Variants in RIPOR2 observed in about 807,000 individuals in gnomAD.
RIPOR2 encodes the protein RHO family interacting cell polarization regulator 2.
A neutral mutation model predicts 114.5 loss-of-function variants in RIPOR2; 39 were observed. The ratio of observed to expected loss-of-function variants is 0.34; its 90% confidence interval spans 0.26 to 0.44. The LOEUF (loss-of-function observed/expected upper bound fraction) is 0.44, where lower values mean the gene tolerates loss of function less well. RIPOR2 is among the 20% of genes least tolerant of loss of function. The pLI is 1.00. For synonymous variants in RIPOR2, 445 were observed against 484.4 expected (o/e 0.92, Z 1.07); for missense variants, 1,007 against 1,255.1 (o/e 0.80, Z 2.99).
intron 8 of RIPOR2, among the ~76,000 whole-genome samples, chr6:24,857,289 G>C (rs989848304): frequency 1.3e-5 from 2 of 152,168 alleles, no homozygotes; most frequent in African/African-American, 4.8e-5. Context: ...GTTCTTGACA[G>C]TTTGTGATTA....
chr6:24,861,101 C>T (rs775525507), intron 7 of RIPOR2, 65 bp from the exon 8 acceptor site: 11 of 1,096,778 alleles, frequency 1.0e-5, no homozygotes, highest in African/African-American at 4.6e-5. Context: ...AAGCACACGA[C>T]GTTCGAACAG....
At chr6:24,912,860 A>G (rs1769771499) in intron 1 of RIPOR2, among the ~76,000 whole-genome samples, 1 of 152,182 alleles carries the variant, frequency 6.6e-6, no homozygotes, top group Non-Finnish European at 1.5e-5. Context: ...AGAGGATGAA[A>G]AGAGAGATGA....
chr6:24,936,455 C>T (rs978815653), upstream of RIPOR2, among the ~76,000 whole-genome samples: 1 of 151,822 alleles, frequency 6.6e-6, no homozygotes, highest in African/African-American at 2.4e-5. Context: ...TTTTTTCAAA[C>T]CTCTTGCATT....
intron 1 of RIPOR2, among the ~76,000 whole-genome samples, chr6:24,925,715 ATTTGG>A (rs938002711): frequency 1.3e-5 from 2 of 151,402 alleles, no homozygotes; most frequent in African/African-American, 4.9e-5. Context: ...AAAAAAAAAA[ATTTGG>A]TTCATCCATT....
chr6:25,035,067 C>T (rs1777175221), intron 1 of RIPOR2, among the ~76,000 whole-genome samples: 1 of 152,108 alleles, frequency 6.6e-6, no homozygotes, highest in South Asian at 2.1e-4. Flanking sequence ...AATTTTTATG[C>T]CAGTATAAAC....
chr6:24,996,110 TA>T (rs2113633191), intron 1 of RIPOR2, among the ~76,000 whole-genome samples: 1 of 152,164 alleles, frequency 6.6e-6, no homozygotes, highest in Admixed American at 6.5e-5. Context: ...CCTAGAGTGA[TA>T]TTTTTAACCT....
At chr6:25,022,717 T>G (rs990891715) in intron 1 of RIPOR2, among the ~76,000 whole-genome samples, 1 of 151,730 alleles carries the variant, frequency 6.6e-6, no homozygotes, top group Non-Finnish European at 1.5e-5. Flanking sequence ...GCTAATTTTT[T>G]GATTGTTTTG....
At chr6:24,829,073 G>A (rs1157381492) in intron 17 of RIPOR2, among the ~76,000 whole-genome samples, 1 of 151,964 alleles carries the variant, frequency 6.6e-6, no homozygotes, top group Non-Finnish European at 1.5e-5. Context: ...CAGCACTTTG[G>A]GAGGCTGAGG....
At chr6:24,975,021 G>T (rs1011428621) in intron 1 of RIPOR2, among the ~76,000 whole-genome samples, 28 of 152,176 alleles carry the variant, frequency 1.8e-4, no homozygotes, top group African/African-American at 6.5e-4. Flanking sequence ...CTGCTAATGG[G>T]TATGGGGTTT....
At position 25,037,769 on chromosome 6, in the gene RIPOR2, T is replaced by C. The variant is rs1777312430; in HGVS notation, c.76+4082A>G. On this transcript the variant is annotated intron_variant, in intron 1 of 13. Transcript: ENST00000510784. This position sits in a 1 kb window ranked among gnomAD's most constrained non-coding sequence, Gnocchi z 4.5. ...AAGATGAACTTTGGGATCCATTGCT[T>C]TACTATGAGTTTAATTTTGATGGAA... Among the ~76,000 whole-genome samples the C allele has an allele frequency of 6.6e-6, 1 of 152,192 alleles. No homozygotes were observed. Among genetic ancestry groups the C allele is most frequent in the African/African-American group, 2.4e-5 (1 of 41,442 alleles).
chr6:24,998,454 G>T (rs1292990155), intron 1 of RIPOR2, among the ~76,000 whole-genome samples: 1 of 152,058 alleles, frequency 6.6e-6, no homozygotes. Context: ...GGATATTTTT[G>T]GTGACTATAA....
At chr6:24,989,040 T>C (rs1252283795) in intron 1 of RIPOR2, among the ~76,000 whole-genome samples, 1 of 152,232 alleles carries the variant, frequency 6.6e-6, no homozygotes. Context: ...ACACTGATTC[T>C]TGAACCCTAC....
intron 6 of RIPOR2, among the ~76,000 whole-genome samples, chr6:24,866,333 C>A (rs913189640): frequency 3.3e-5 from 5 of 152,070 alleles, no homozygotes; most frequent in Admixed American, 2.0e-4. Flanking sequence ...CTCATATAAG[C>A]CTGATAATCA....
intron 7 of RIPOR2, among the ~76,000 whole-genome samples, chr6:24,863,606 T>G (rs562031071): frequency 1.3e-5 from 2 of 152,088 alleles, no homozygotes; most frequent in African/African-American, 4.8e-5. Flanking sequence ...CAAAGTAGGA[T>G]GGGGGAGGGT....
chr6:24,909,393 T>C (rs1008344725), intron 1 of RIPOR2, among the ~76,000 whole-genome samples: 5 of 151,924 alleles, frequency 3.3e-5, no homozygotes, highest in African/African-American at 1.2e-4. Flanking sequence ...GCAGCTAAAA[T>C]ACAATTTGAG....
chr6:24,828,663 G>A (rs1004097369), intron 17 of RIPOR2, among the ~76,000 whole-genome samples: 7 of 151,972 alleles, frequency 4.6e-5, no homozygotes, highest in African/African-American at 1.7e-4. Context: ...CCCCTTCCCA[G>A]TCTATAGCTA....
chr6:24,819,310 C>T (rs1053706600), intron 19 of RIPOR2, among the ~76,000 whole-genome samples: 6 of 151,496 alleles, frequency 4.0e-5, no homozygotes, highest in Admixed American at 1.3e-4. Flanking sequence ...GTAAGTTTCA[C>T]AAAAATGTTT....
intron 1 of RIPOR2, among the ~76,000 whole-genome samples, chr6:25,034,221 C>G (rs574187854): frequency 4.0e-4 from 58 of 144,822 alleles, no homozygotes; most frequent in African/African-American, 1.5e-3. Flanking sequence ...TTTTATACAA[C>G]ATGCGCATAT....
At chr6:24,832,875 T>G (rs1210070915) in intron 15 of RIPOR2, among the ~76,000 whole-genome samples, 1 of 152,208 alleles carries the variant, frequency 6.6e-6, no homozygotes, top group African/African-American at 2.4e-5. Context: ...AACAAATGAG[T>G]GCTCACTATG....
Sources: gnomAD v4.1 joint callset for allele counts (sites outside exome capture counted in the v4.1 genomes callset) on GRCh38, gnomAD v4.1.1 for gene constraint, Gnocchi (gnomAD v3.1) non-coding constraint, MANE v1.5 for transcripts, NCBI Gene and HGNC (gene_info 2026-07-23, HGNC 2026-07-21) for gene names.